ITCH: variants seen among roughly 807,000 people sequenced by gnomAD.
ITCH encodes E3 ubiquitin-protein ligase Itchy homolog.
In ITCH, 28 loss-of-function variants were observed where a neutral mutation model predicts 126.8. The observed-to-expected ratio is 0.22, with a 90% CI of 0.16 to 0.30. The LOEUF is 0.30. Ranked by LOEUF, ITCH falls within the 10% of genes least tolerant of loss-of-function variation. The probability of loss-of-function intolerance (pLI) is 1.00; values close to 1 mark genes in which losing one functional copy is unlikely to be tolerated. For missense variants in ITCH, 631 were observed against 1,032.4 expected (o/e 0.61, Z 5.33); for synonymous variants, 342 against 340.0 (o/e 1.01, Z -0.06).
At chr20:34,400,650 T>TTTC (rs1555856847) in intron 3 of ITCH, among the ~76,000 whole-genome samples, 15 of 148,640 alleles carry the variant, frequency 1.0e-4, no homozygotes, top group East Asian at 3.9e-4. Context: ...ATTTTTCTTT[T>TTTC]TTTTTTTTTT....
rs200470258 is a variant in ITCH at position 34,415,548 on chromosome 20, ACT to A, written c.475+1677_475+1678del. Among the ~76,000 whole-genome samples the A allele has an allele frequency of 5.3e-5, 8 of 151,820 alleles. No individual in the cohort carries two copies. The East Asian group carries it at 1.4e-3, about 26-fold the overall frequency. ...CTTCCAGCCTGGGTGACAGAGTGAG[ACT>A]CTCTCTCAAAAAAAATAAAGTAGCA... On this transcript the variant is annotated intron_variant, in intron 6 of 24. Transcript: ENST00000374864.
At chr20:34,442,169 A>G in intron 9 of ITCH, 39 bp from the exon 10 acceptor site, 1 of 1,467,814 alleles carries the variant, frequency 6.8e-7, no homozygotes, top group Non-Finnish European at 9.6e-7. Context: ...CAGGTAACTC[A>G]TGCAAGTATT....
rs1257285363 is a variant in ITCH at position 34,444,003 on chromosome 20, T to C, written c.966-1284T>C. ...TCATCCTCCCTGCATCTGCCCACCA[T>C]AATTATGTATTAATACATACCCTTC... On this transcript the variant is annotated intron_variant, in intron 10 of 24. Transcript: ENST00000374864. Among the ~76,000 whole-genome samples the C allele has an allele frequency of 7.2e-5, 11 of 152,238 alleles. No homozygotes were observed. The East Asian group carries it at 2.1e-3, about 29-fold the overall frequency.
intron 3 of ITCH, among the ~76,000 whole-genome samples, chr20:34,394,481 A>G (rs1345451717): frequency 2.0e-5 from 3 of 152,126 alleles, no homozygotes; most frequent in Non-Finnish European, 4.4e-5. Context: ...TTATTTACTT[A>G]TAACAATGAC....
intron 2 of ITCH, among the ~76,000 whole-genome samples, chr20:34,374,399 G>T (rs1284440683): frequency 1.3e-5 from 2 of 152,012 alleles, no homozygotes; most frequent in Admixed American, 6.6e-5. Context: ...ACTTCTTTTT[G>T]CCTTAGTTTT....
At chr20:34,378,560 C>T (rs1601753911) in intron 2 of ITCH, among the ~76,000 whole-genome samples, 1 of 134,642 alleles carries the variant, frequency 7.4e-6, no homozygotes, top group African/African-American at 2.7e-5. Flanking sequence ...AATAAAAATA[C>T]TGAACTGGGC....
intron 7 of ITCH, among the ~76,000 whole-genome samples, chr20:34,429,702 C>T (rs1449206732): frequency 6.6e-6 from 1 of 152,146 alleles, no homozygotes; most frequent in Non-Finnish European, 1.5e-5. Context: ...AACTGTCAAT[C>T]TGTCTTAATT....
chr20:34,427,693 T>A, intron 7 of ITCH, among the ~76,000 whole-genome samples: 1 of 152,242 alleles, frequency 6.6e-6, no homozygotes. Flanking sequence ...TTTTGTCTTT[T>A]TTTAGTATTA....
At position 34,466,703 on chromosome 20, in the gene ITCH, A is replaced by T. The variant is rs1236578766; in HGVS notation, c.1425-3345A>T. On this transcript the variant is annotated intron_variant, in intron 14 of 24. Coordinates refer to ENST00000374864, the MANE Select transcript of ITCH (RefSeq NM_031483.7). ...ACACCACATCATTACCATTGCTCAA[A>T]AAAGAAGTTACAAGAAAAATCAGGA... is the stretch of plus-strand genomic sequence containing the variant. Among the ~76,000 whole-genome samples, 7 of 152,202 alleles carry T rather than the reference A, an allele frequency of 4.6e-5. No homozygotes were observed. In the South Asian group the frequency reaches 1.4e-3, roughly 31 times the overall value.
In ITCH at chr20:34,412,535, A is replaced by G; in HGVS notation, c.233A>G (p.Lys78Arg). 6.2e-7 allele frequency: 1 copy of G among 1,600,636 alleles called. No homozygotes were observed. The highest frequency in any genetic ancestry group is 8.6e-7 in the Non-Finnish European group (1 of 1,167,946). The part of the protein sequence containing the change: ...PLTVIVTPVS[K>R]LHFRVWSHQT... ...TTTAGTATCGTTACCCCTGTGAGTA[A>G]ATTACATTTTCGTGTGTGGAGTCAC... is the stretch of plus-strand genomic sequence containing the variant. The change falls in exon 5 of 25, where the codon AAA becomes AGA. Residue 78 changes from lysine to arginine, a missense_variant. By Grantham distance (26) the Lys-to-Arg change is conservative. Transcript: ENST00000374864.
chr20:34,386,967 C>A (rs781155730), intron 2 of ITCH, among the ~76,000 whole-genome samples: 4 of 152,060 alleles, frequency 2.6e-5, no homozygotes, highest in Non-Finnish European at 5.9e-5. Context: ...GGCATTCTAT[C>A]TGTCACATTT....
chr20:34,508,143 A>G lies in ITCH; in HGVS notation c.*349A>G. 1 of 309,650 alleles carries G rather than the reference A, an allele frequency of 3.2e-6. No homozygotes were observed. The highest frequency in any genetic ancestry group is 4.5e-5 in the Admixed American group (1 of 21,992). 19.2% of individuals were successfully genotyped at this position (309,650 alleles called of 1,614,324 possible). A position where few individuals can be genotyped will look rare whatever the true frequency, so the allele number is the denominator to read the frequency against. On this transcript the variant is annotated 3_prime_UTR_variant, in exon 25 of 25. Coordinates refer to ENST00000374864, the MANE Select transcript of ITCH (RefSeq NM_031483.7). ...TTTTTCTTTTAGACATTCTGCAGAC[A>G]TGCAGGGAAGTCCTTTGGTAACTGC...
At chr20:34,460,053 A>G (rs1986367595) in intron 13 of ITCH, among the ~76,000 whole-genome samples, 2 of 152,298 alleles carry the variant, frequency 1.3e-5, no homozygotes, top group South Asian at 4.1e-4. Flanking sequence ...GTTCTATCTA[A>G]TTTATTTTCA....
intron 6 of ITCH, among the ~76,000 whole-genome samples, chr20:34,421,052 C>T (rs1306876416): frequency 1.3e-5 from 2 of 152,186 alleles, no homozygotes; most frequent in Admixed American, 6.6e-5. Context: ...GAAAATGGCC[C>T]TCTGGATAAC....
chr20:34,507,263 G>GTTTTTTTTTTTTTTTTTTTTT (rs776161631), intron 24 of ITCH, among the ~76,000 whole-genome samples: 71 of 39,120 alleles, frequency 1.8e-3, no homozygotes, highest in Non-Finnish European at 2.3e-3. Context: ...GTTTTCTTCT[G>GTTTTTTTTTTTTTTTTTTTTT]TTTTTTTTTT....
intron 12 of ITCH, chr20:34,454,287 G>C (rs968943877): frequency 6.6e-6 from 1 of 151,282 alleles, no homozygotes; most frequent in Admixed American, 6.6e-5. Context: ...ACAGGCGCCC[G>C]CTACCACGCC....
intron 16 of ITCH, among the ~76,000 whole-genome samples, chr20:34,474,714 G>A (rs1045191047): frequency 1.3e-5 from 2 of 151,696 alleles, no homozygotes; most frequent in Non-Finnish European, 2.9e-5. Context: ...CTGGCAGAGG[G>A]GCTCCTCACT....
chr20:34,426,750 C>T (rs1349123489), intron 7 of ITCH, among the ~76,000 whole-genome samples: 5 of 151,138 alleles, frequency 3.3e-5, no homozygotes, highest in Middle Eastern at 3.5e-3. Flanking sequence ...CATGCCTGGC[C>T]GATAGATATA....
intron 23 of ITCH, among the ~76,000 whole-genome samples, chr20:34,493,808 G>A (rs1989677449): frequency 6.6e-6 from 1 of 152,226 alleles, no homozygotes; most frequent in South Asian, 2.1e-4. Context: ...AGAGGAAACA[G>A]AAGAAGTTGA....
Sources: gnomAD v4.1 joint callset for allele counts (sites outside exome capture counted in the v4.1 genomes callset) on GRCh38, gnomAD v4.1.1 for gene constraint, MANE v1.5 for transcripts, NCBI Gene and HGNC (gene_info 2026-07-23, HGNC 2026-07-21) for gene names.